Variants in ATP13A3 observed in about 807,000 individuals in gnomAD.
ATP13A3 encodes polyamine-transporting ATPase 13A3.
Under a neutral mutation model 158.1 loss-of-function variants are expected in ATP13A3, and 59 were observed. That is an observed-to-expected ratio of 0.37 (90% CI 0.30 to 0.46). The LOEUF (loss-of-function observed/expected upper bound fraction) is 0.46. Ranked by LOEUF, ATP13A3 falls within the 20% of genes least tolerant of loss-of-function variation. The pLI is 1.00. For missense variants in ATP13A3, 1,166 were observed against 1,525.2 expected (o/e 0.76, Z 3.92); for synonymous variants, 491 against 504.3 (o/e 0.97, Z 0.35).
chr3:194,415,325 C>T (rs1158837219), intron 31 of ATP13A3, among the ~76,000 whole-genome samples: 5 of 152,070 alleles, frequency 3.3e-5, no homozygotes, highest in East Asian at 1.9e-4. Flanking sequence ...GATTAGTTGA[C>T]GAACGTGTGG....
At chr3:194,456,517 C>T (rs1719240481) in intron 7 of ATP13A3, among the ~76,000 whole-genome samples, 1 of 151,824 alleles carries the variant, frequency 6.6e-6, no homozygotes, top group Admixed American at 6.6e-5. Context: ...TATGTTCTAC[C>T]CCTTTGAAAG....
intron 30 of ATP13A3, 33 bp from the exon 31 acceptor site, chr3:194,420,000 T>C (rs1716174923): frequency 6.7e-7 from 1 of 1,490,330 alleles, no homozygotes. Context: ...AACAAGTAAA[T>C]TAGGAAATTC....
Position 194,428,828 on chromosome 3 carries a change from C to T in ATP13A3, c.2947+17G>A. On this transcript the variant is annotated intron_variant, in intron 28 of 33. Coordinates refer to ENST00000645319, the MANE Select transcript of ATP13A3 (RefSeq NM_001367549.1). ...TTTCATACACTTTAAAAATCAATAA[C>T]AAAGCAAAATACTCACTTGTAAATA... 6.5e-7 allele frequency: 1 copy of T among 1,547,230 alleles called. No individual in the cohort carries two copies. Among genetic ancestry groups the T allele is most frequent in the South Asian group, 1.2e-5 (1 of 84,916 alleles).
intron 29 of ATP13A3, among the ~76,000 whole-genome samples, chr3:194,426,188 C>CT (rs377702236): frequency 3.7e-4 from 55 of 148,368 alleles, no homozygotes; most frequent in East Asian, 1.6e-3. Flanking sequence ...AATTCCACCT[C>CT]TTTTTTTTTT....
rs1192016412 is a variant in ATP13A3, at chr3:194,457,130, T to C, written c.524A>G (p.His175Arg). Reference sequence around the variant, plus strand: ...CATCCCCTTTGTCAGTCCTGCACTATGCTTTTCATAAATTGACGTACAAGA... The same window carrying C: ...CATCCCCTTTGTCAGTCCTGCACTACGCTTTTCATAAATTGACGTACAAGA... ...GVSCTSIYEK[H>R]SAGLTKGMHA... Residue 175 changes from histidine to arginine, a missense_variant, in exon 7 of 34, where the codon CAT becomes CGT. Physicochemically the swap from His to Arg is conservative, Grantham distance 29 (BLOSUM62 0). Around this residue, in one of 3 missense-constraint regions of ATP13A3, gnomAD observed 997 missense variants for 1,341.2 expected, o/e 0.74. Transcript: ENST00000645319. The C allele has an allele frequency of 6.2e-7, 1 of 1,613,656 alleles. No individual in the cohort carries two copies.
In ATP13A3 at chr3:194,494,274, A is replaced by G; in HGVS notation, n.522T>C. 2.5e-6 allele frequency: 1 copy of G among 398,628 alleles called. No individual in the cohort carries two copies. Among genetic ancestry groups the G allele is most frequent in the Non-Finnish European group, 4.4e-6 (1 of 226,082 alleles). The allele number at this position is 398,628 out of a possible 1,614,324, so 24.7% of individuals were successfully genotyped here. On this transcript the variant is annotated non_coding_transcript_exon_variant, in exon 2 of 33. Transcript: ENST00000687055. This position sits in a 1 kb window ranked among gnomAD's most constrained non-coding sequence, Gnocchi z 4.2. ...CTCACAGCACACAGCGGTAGTCAGA[A>G]AGTATGCTGAGTAAGTGGAGAACAA...
At chr3:194,484,863 C>A (rs1258817737) in intron 2 of ATP13A3, among the ~76,000 whole-genome samples, 1 of 152,074 alleles carries the variant, frequency 6.6e-6, no homozygotes, top group African/African-American at 2.4e-5. Flanking sequence ...CACGACCAGC[C>A]TGGCCAACGT....
At chr3:194,451,416 A>G (rs1453476464) in intron 10 of ATP13A3, 2 of 152,232 alleles carry the variant, frequency 1.3e-5, no homozygotes, top group Non-Finnish European at 2.9e-5. Context: ...AAAACAAGGT[A>G]TCAATGACAT....
intron 31 of ATP13A3, among the ~76,000 whole-genome samples, chr3:194,414,675 A>G (rs1715688019): frequency 6.6e-6 from 1 of 152,216 alleles, no homozygotes; most frequent in African/African-American, 2.4e-5. Flanking sequence ...ATGGCTGGCT[A>G]CGGAAAGAGG....
At chr3:194,409,693 ATTTTTTTTTTTTTTT>A (rs71179358) in intron 33 of ATP13A3, among the ~76,000 whole-genome samples, 2 of 93,986 alleles carry the variant, frequency 2.1e-5, no homozygotes, top group East Asian at 3.0e-4. Context: ...GACGTAAAGA[ATTTTTTTTTTTTTTT>A]TTTTTTTTTT....
chr3:194,441,545 T>TA lies in ATP13A3; in HGVS notation c.1560-85dup, dbSNP rs5855576. 15,914 of 1,195,454 alleles carry TA rather than the reference T, an allele frequency of 0.013. 1,030 individuals carry two copies. The African/African-American group carries it at 0.19, about 14-fold the overall frequency. The allele number at this position is 1,195,454 out of a possible 1,614,324, so 74.1% of individuals were successfully genotyped here. On this transcript the variant is annotated intron_variant, in intron 15 of 33. Coordinates refer to ENST00000645319, the MANE Select transcript of ATP13A3 (RefSeq NM_001367549.1). ...AACAGGGCTTTTCTGGTTTTGTAAT[T>TA]AAAAAAAAAATCTTTTAAATCCCAA...
intron 33 of ATP13A3, among the ~76,000 whole-genome samples, chr3:194,408,967 C>A (rs142430766): frequency 6.6e-5 from 10 of 152,208 alleles, no homozygotes; most frequent in African/African-American, 2.4e-4. Flanking sequence ...ATCGGGGGCA[C>A]AGAATGAGCA....
intron 6 of ATP13A3, chr3:194,459,075 C>T (rs1719453969): frequency 6.1e-6 from 1 of 162,936 alleles, no homozygotes; most frequent in South Asian, 1.8e-4. Context: ...AATTAAATTT[C>T]TCTTTGCCTA....
rs1180896547 is a variant in ATP13A3, at chr3:194,402,732, G to T, written c.*3187C>A. Reference sequence around the variant, plus strand: ...GCTTCAATCAAAAAAGGTTTCATAAGATTATTTACAATGCTGAATGTACAA... The same window carrying T: ...GCTTCAATCAAAAAAGGTTTCATAATATTATTTACAATGCTGAATGTACAA... On this transcript the variant is annotated 3_prime_UTR_variant, in exon 34 of 34. Transcript: ENST00000645319. 6.6e-6 allele frequency: 1 copy of T among 152,112 alleles called. No homozygotes were observed. The highest frequency in any genetic ancestry group is 2.4e-5 in the African/African-American group (1 of 41,420). 9.4% of individuals were successfully genotyped at this position (152,112 alleles called of 1,614,324 possible).
chr3:194,406,129 GA>G lies in ATP13A3; in HGVS notation c.3574-14del, dbSNP rs755055864. ...GATCCACTGACTCCTAAGAAAATAAGAAAAAAACAAAACAAAACACCCCAGT... is the reference window on the plus strand; with the variant it reads ...GATCCACTGACTCCTAAGAAAATAAGAAAAAACAAAACAAAACACCCCAGT... On this transcript the variant is annotated splice_polypyrimidine_tract_variant and intron_variant, in intron 33 of 33. Coordinates refer to ENST00000645319, the MANE Select transcript of ATP13A3 (RefSeq NM_001367549.1). The G allele has an allele frequency of 4.3e-6, 7 of 1,611,118 alleles. No homozygotes were observed. The highest frequency in any genetic ancestry group is 2.2e-5 in the South Asian group (2 of 90,634).
At chr3:194,413,583 T>C (rs1715595036) in intron 32 of ATP13A3, among the ~76,000 whole-genome samples, 176 bp downstream of exon 32, 1 of 152,258 alleles carries the variant, frequency 6.6e-6, no homozygotes, top group African/African-American at 2.4e-5. Flanking sequence ...TCCCTTAATA[T>C]GACCACTATC....
At chr3:194,433,398 C>G (rs1382930872) in intron 21 of ATP13A3, among the ~76,000 whole-genome samples, 2 of 152,106 alleles carry the variant, frequency 1.3e-5, no homozygotes, top group South Asian at 4.2e-4. Flanking sequence ...CACCCGCCAC[C>G]GCTCCCGGCT....
intron 27 of ATP13A3, among the ~76,000 whole-genome samples, chr3:194,429,382 G>C (rs1227041736): frequency 6.6e-6 from 1 of 152,100 alleles, no homozygotes; most frequent in African/African-American, 2.4e-5. Context: ...GAGTCTTTAG[G>C]ATGTCAGAAC....
At chr3:194,413,180 G>A (rs887746543) in intron 32 of ATP13A3, 1 of 152,310 alleles carries the variant, frequency 6.6e-6, no homozygotes, top group South Asian at 2.1e-4. Flanking sequence ...CTAACGGGAG[G>A]GTAACTACAC....
Sources: allele counts gnomAD v4.1 joint callset (sites outside exome capture counted in the v4.1 genomes callset), GRCh38; gene constraint gnomAD v4.1.1; regional missense constraint gnomAD v4.1.1; non-coding constraint Gnocchi (gnomAD v3.1); transcripts MANE v1.5; gene names NCBI Gene and HGNC (gene_info 2026-07-23, HGNC 2026-07-21).